Variants in TTC23L observed in about 807,000 individuals in gnomAD.
The protein encoded by TTC23L is tetratricopeptide repeat protein 23-like.
TTC23L carries 42 observed loss-of-function variants against 48.1 expected under a neutral mutation model. The ratio of observed to expected loss-of-function variants is 0.87; its 90% CI spans 0.68 to 1.13. The LOEUF (loss-of-function observed/expected upper bound fraction) is 1.13, where lower values mean the gene tolerates loss of function less well. Among genes scored for constraint, TTC23L ranks in the 50% most tolerant of loss-of-function variants. The pLI, the probability that TTC23L is intolerant of heterozygous loss-of-function variation, is 0.00. For synonymous variants in TTC23L, 159 were observed against 157.2 expected (o/e 1.01, Z -0.09); for missense variants, 391 against 421.0 (o/e 0.93, Z 0.62).
At chr5:34,918,192 C>T in the TTC23L span, 1 of 425,900 alleles carries the variant, frequency 2.3e-6, no homozygotes, top group African/African-American at 2.1e-5. Context: ...TGCCTGTAGT[C>T]TCCAGCTACT....
intron 4 of TTC23L, among the ~76,000 whole-genome samples, chr5:34,855,578 G>A (rs762143487): frequency 6.6e-6 from 1 of 152,080 alleles, no homozygotes; most frequent in Non-Finnish European, 1.5e-5. Flanking sequence ...CTGATAACAT[G>A]GACAAGATTA....
chr5:34,912,874 G>A, the TTC23L span, among the ~76,000 whole-genome samples: 6 of 152,156 alleles, frequency 3.9e-5, no homozygotes, highest in East Asian at 1.2e-3. Flanking sequence ...GGTGGCACGT[G>A]CCTGTAATCC....
At chr5:34,872,478 G>A (rs895294098) in intron 8 of TTC23L, among the ~76,000 whole-genome samples, 4 of 152,086 alleles carry the variant, frequency 2.6e-5, no homozygotes, top group Admixed American at 2.6e-4. Context: ...TTTTAAAATG[G>A]TATGTATCTT....
At chr5:34,886,624 G>A (rs564448814) in intron 9 of TTC23L, among the ~76,000 whole-genome samples, 11 of 152,218 alleles carry the variant, frequency 7.2e-5, no homozygotes, top group Admixed American at 7.2e-4. Context: ...ATGTACATAT[G>A]TATGCATGTA....
the TTC23L span, among the ~76,000 whole-genome samples, chr5:34,919,274 CAAAAAAAAAA>C: frequency 1.1e-4 from 4 of 35,966 alleles, no homozygotes; most frequent in Admixed American, 3.8e-4. Context: ...GACCCTGTCT[CAAAAAAAAAA>C]AAAAAAAAAA....
intron 9 of TTC23L, among the ~76,000 whole-genome samples, chr5:34,893,285 T>C (rs1345271131): frequency 1.3e-5 from 2 of 152,100 alleles, no homozygotes; most frequent in African/African-American, 4.8e-5. Flanking sequence ...AGAGGAATAA[T>C]CTTGGAGGAT....
At chr5:34,921,297 T>C in the TTC23L span, 1 of 152,220 alleles carries the variant, frequency 6.6e-6, no homozygotes, top group Non-Finnish European at 1.5e-5. Flanking sequence ...CATTGAAGTT[T>C]AATTTGAAAT....
At chr5:34,888,616 T>C in intron 9 of TTC23L, 2 of 700,170 alleles carry the variant, frequency 2.9e-6, no homozygotes, top group Non-Finnish European at 1.8e-6. Flanking sequence ...TTCAACCAGG[T>C]AGGGGTGATT....
At chr5:34,924,957 C>T in the TTC23L span, 12 of 1,613,234 alleles carry the variant, frequency 7.4e-6, no homozygotes, top group Non-Finnish European at 9.3e-6. Context: ...AAAATCCTCA[C>T]TACCAGTCAC....
chr5:34,891,460 G>T (rs906447588), intron 9 of TTC23L, among the ~76,000 whole-genome samples: 4 of 152,254 alleles, frequency 2.6e-5, no homozygotes, highest in South Asian at 4.1e-4. Context: ...CGCTCAATAA[G>T]TGTTCGTAAA....
At chr5:34,913,857 A>G in the TTC23L span, 1 of 477,984 alleles carries the variant, frequency 2.1e-6, no homozygotes, top group African/African-American at 1.9e-5. Flanking sequence ...TGACTTGATA[A>G]TGCATGAGCA....
At chr5:34,848,459 C>T (rs1759396273) in intron 3 of TTC23L, among the ~76,000 whole-genome samples, 2 of 152,078 alleles carry the variant, frequency 1.3e-5, no homozygotes, top group South Asian at 4.1e-4. Flanking sequence ...CTTCTGTCCT[C>T]AAGGGACTTA....
chr5:34,908,966 AAACGCTGTTATATC>A, the TTC23L span: 3 of 1,585,646 alleles, frequency 1.9e-6, no homozygotes, highest in Non-Finnish European at 2.6e-6. Flanking sequence ...AGAAAAAATA[AAACGCTGTTATATC>A]AACACAGTGA....
At chr5:34,904,638 G>C in the TTC23L span, among the ~76,000 whole-genome samples, 1 of 151,278 alleles carries the variant, frequency 6.6e-6, no homozygotes, top group East Asian at 2.0e-4. Context: ...TATGTTCAAT[G>C]ACGTACTACC....
downstream of TTC23L, among the ~76,000 whole-genome samples, chr5:34,900,861 G>C (rs994981171): frequency 1.3e-5 from 2 of 152,228 alleles, no homozygotes; most frequent in African/African-American, 4.8e-5. Flanking sequence ...GAGATGATTA[G>C]CATCACATAG....
intron 6 of TTC23L, among the ~76,000 whole-genome samples, chr5:34,866,460 T>C (rs1316612436): frequency 2.0e-5 from 3 of 152,246 alleles, no homozygotes; most frequent in African/African-American, 7.2e-5. Context: ...CATTTTTTTT[T>C]CTATCCTCAT....
chr5:34,873,487 C>T lies in TTC23L; in HGVS notation c.949+4474C>T, dbSNP rs545501634. Among the ~76,000 whole-genome samples the T allele has an allele frequency of 4.3e-3, 660 of 152,236 alleles. 3 individuals carry two copies. Among genetic ancestry groups the T allele is most frequent in the Non-Finnish European group, 6.5e-3 (441 of 68,010 alleles). On this transcript the variant is annotated intron_variant, in intron 8 of 10. Transcript: ENST00000505624. ...CATGAGAATTGCAATGTTATCACCA[C>T]GGGCCGCACAGGAGAACCGGCAGCT...
At chr5:34,906,305 A>G in the TTC23L span, 1 of 152,098 alleles carries the variant, frequency 6.6e-6, no homozygotes, top group African/African-American at 2.4e-5. Flanking sequence ...TACTGAGCTG[A>G]TTTATATTTG....
chr5:34,846,659 A>ATG (rs533382588), intron 3 of TTC23L, among the ~76,000 whole-genome samples: 51 of 69,180 alleles, frequency 7.4e-4, no homozygotes, highest in South Asian at 5.7e-3. Context: ...AAATACATAT[A>ATG]TGTGTGTATG....
Sources: gnomAD v4.1 joint callset for allele counts (sites outside exome capture counted in the v4.1 genomes callset) on GRCh38, gnomAD v4.1.1 for gene constraint, MANE v1.5 for transcripts, NCBI Gene and HGNC (gene_info 2026-07-23, HGNC 2026-07-21) for gene names.